The following LRRTM4 variants were observed in gnomAD, a reference collection of about 807,000 sequenced individuals.
LRRTM4 encodes the protein leucine-rich repeat transmembrane neuronal protein 4.
A neutral mutation model predicts 47.6 loss-of-function variants in LRRTM4; 25 were observed. The observed-to-expected ratio is 0.53, with a 90% CI of 0.38 to 0.73. The LOEUF (loss-of-function observed/expected upper bound fraction) is 0.73, where lower values mean the gene tolerates loss of function less well. Among genes scored for constraint, LRRTM4 ranks in the 30% least tolerant of loss-of-function variants. The pLI is 0.00. For synonymous variants in LRRTM4, 311 were observed against 269.5 expected (o/e 1.15, Z -1.51); for missense variants, 638 against 713.4 (o/e 0.89, Z 1.20).
intron 3 of LRRTM4, among the ~76,000 whole-genome samples, chr2:76,773,775 A>C (rs779699203): frequency 1.1e-4 from 16 of 151,942 alleles, no homozygotes; most frequent in Non-Finnish European, 2.1e-4. Flanking sequence ...AAATCTAAAG[A>C]GAAATTGAAC....
At chr2:76,930,655 G>A (rs1390323459) in intron 3 of LRRTM4, among the ~76,000 whole-genome samples, 1 of 152,090 alleles carries the variant, frequency 6.6e-6, no homozygotes, top group Non-Finnish European at 1.5e-5. Flanking sequence ...ATTGACTTCA[G>A]CATGCTGTAG....
chr2:76,975,589 A>G (rs2103953121), intron 3 of LRRTM4, among the ~76,000 whole-genome samples: 1 of 151,828 alleles, frequency 6.6e-6, no homozygotes, highest in African/African-American at 2.4e-5. Flanking sequence ...TATGTTCAAA[A>G]TAAAAGAAAA....
At chr2:77,385,672 T>G (rs372125450) in intron 3 of LRRTM4, among the ~76,000 whole-genome samples, 2 of 151,628 alleles carry the variant, frequency 1.3e-5, no homozygotes, top group Admixed American at 1.3e-4. Flanking sequence ...ATAAGTAGAC[T>G]GTATTTTTTG....
At chr2:77,134,884 A>G (rs1671892082) in intron 3 of LRRTM4, among the ~76,000 whole-genome samples, 1 of 152,208 alleles carries the variant, frequency 6.6e-6, no homozygotes, top group Non-Finnish European at 1.5e-5. Flanking sequence ...TCAGCTTCCA[A>G]TGAAAAGATT....
chr2:77,178,592 AAACAAC>A lies in LRRTM4; in HGVS notation c.1551+339720_1551+339725del, dbSNP rs572583930. Among the ~76,000 whole-genome samples the A allele has an allele frequency of 1.2e-4, 19 of 152,016 alleles. No homozygotes were observed. The South Asian group carries it at 2.7e-3, about 22-fold the overall frequency. On this transcript the variant is annotated intron_variant, in intron 3 of 3. Coordinates refer to ENST00000409884, the MANE Select transcript of LRRTM4 (RefSeq NM_001134745.3). ...CAGAGTGAGACTCCATCTCAAAAAC[AAACAAC>A]AACAACAACAACAACAACAAATAAT... is the stretch of plus-strand genomic sequence containing the variant.
intron 3 of LRRTM4, among the ~76,000 whole-genome samples, chr2:77,118,747 C>T (rs1338782735): frequency 6.6e-6 from 1 of 151,538 alleles, no homozygotes; most frequent in Non-Finnish European, 1.5e-5. Context: ...ATTTGAGAGC[C>T]CGAGACAAGT....
intron 3 of LRRTM4, among the ~76,000 whole-genome samples, chr2:77,039,132 GA>G (rs113448341): frequency 2.0e-5 from 3 of 150,952 alleles, no homozygotes; most frequent in African/African-American, 4.8e-5. Flanking sequence ...AAAATGATAA[GA>G]AAAAATAAGA....
chr2:76,831,922 A>C (rs1352006645), intron 3 of LRRTM4, among the ~76,000 whole-genome samples: 1 of 152,074 alleles, frequency 6.6e-6, no homozygotes, highest in East Asian at 1.9e-4. Flanking sequence ...TGGGGTTACT[A>C]AATGTTAAAT....
At chr2:77,169,613 T>A (rs1284234433) in intron 3 of LRRTM4, among the ~76,000 whole-genome samples, 1 of 152,122 alleles carries the variant, frequency 6.6e-6, no homozygotes, top group Admixed American at 6.6e-5. Context: ...GATAAAACAA[T>A]GAAATTTGAC....
intron 3 of LRRTM4, among the ~76,000 whole-genome samples, chr2:77,385,522 A>AAAATAC (rs1673225736): frequency 6.6e-6 from 1 of 152,114 alleles, no homozygotes; most frequent in Non-Finnish European, 1.5e-5. Flanking sequence ...TACGGCACTG[A>AAAATAC]TGAGGTTTAA....
At chr2:77,049,872 A>G (rs951781698) in intron 3 of LRRTM4, among the ~76,000 whole-genome samples, 2 of 151,904 alleles carry the variant, frequency 1.3e-5, no homozygotes, top group African/African-American at 2.4e-5. Context: ...TGCCCAGACC[A>G]ATGTTCTTTA....
At chr2:77,237,220 C>A (rs1444607557) in intron 3 of LRRTM4, among the ~76,000 whole-genome samples, 2 of 148,772 alleles carry the variant, frequency 1.3e-5, no homozygotes, top group African/African-American at 2.5e-5. Flanking sequence ...AATTTTATAA[C>A]TTGATATTAG....
chr2:76,894,996 A>G (rs1156510420), intron 3 of LRRTM4, among the ~76,000 whole-genome samples: 1 of 151,766 alleles, frequency 6.6e-6, no homozygotes, highest in Non-Finnish European at 1.5e-5. Context: ...TAGAAAATTT[A>G]TTTACTAAAT....
chr2:77,477,903 A>AAAG, intron 3 of LRRTM4, among the ~76,000 whole-genome samples: 1 of 109,868 alleles, frequency 9.1e-6, no homozygotes, highest in East Asian at 2.8e-4. Flanking sequence ...AAAAGAAAGA[A>AAAG]AAAGAAAGAA....
chr2:76,971,516 G>A (rs559857286), intron 3 of LRRTM4, among the ~76,000 whole-genome samples: 1 of 152,086 alleles, frequency 6.6e-6, no homozygotes, highest in East Asian at 2.0e-4. Context: ...TGGCATCAGG[G>A]GTGTCTGTCT....
chr2:76,756,529 A>G (rs1365281272), intron 3 of LRRTM4, among the ~76,000 whole-genome samples: 2 of 152,158 alleles, frequency 1.3e-5, no homozygotes, highest in East Asian at 1.9e-4. Flanking sequence ...GATTTGTTCT[A>G]TCATCATATT....
chr2:76,995,745 T>A (rs13427514), intron 3 of LRRTM4, among the ~76,000 whole-genome samples: 76,288 of 151,560 alleles, frequency 0.5, 19,880 homozygotes, highest in African/African-American at 0.63. Flanking sequence ...CTACAAGATG[T>A]GAACTCTGTA....
At chr2:77,004,434 C>A (rs1421474021) in intron 3 of LRRTM4, among the ~76,000 whole-genome samples, 1 of 152,182 alleles carries the variant, frequency 6.6e-6, no homozygotes, top group Non-Finnish European at 1.5e-5. Context: ...CCACATGGTG[C>A]TGAGCTTGTG....
intron 3 of LRRTM4, among the ~76,000 whole-genome samples, chr2:76,850,964 C>A (rs535688919): frequency 2.9e-4 from 44 of 152,310 alleles, no homozygotes; most frequent in African/African-American, 9.9e-4. Context: ...AAGATTGACA[C>A]TAAGTCTACA....
Sources: gnomAD v4.1 joint callset for allele counts (sites outside exome capture counted in the v4.1 genomes callset) on GRCh38, gnomAD v4.1.1 for gene constraint, MANE v1.5 for transcripts, NCBI Gene and HGNC (gene_info 2026-07-23, HGNC 2026-07-21) for gene names.